The following LRP6 variants were observed in gnomAD, a reference collection of about 807,000 sequenced individuals.
LRP6 encodes LDL receptor related protein 6.
In LRP6, 43 loss-of-function variants were observed where a neutral mutation model predicts 184.1. That is an observed-to-expected ratio of 0.23 (90% CI 0.18 to 0.30). The LOEUF (loss-of-function observed/expected upper bound fraction) is 0.30. Among genes scored for constraint, LRP6 ranks in the 10% least tolerant of loss-of-function variants. The pLI is 1.00. For missense variants in LRP6, 1,571 were observed against 2,005.3 expected (o/e 0.78, Z 4.14); for synonymous variants, 719 against 684.9 (o/e 1.05, Z -0.78).
At chr12:12,253,827 C>A (rs1263556672) in intron 1 of LRP6, among the ~76,000 whole-genome samples, 2 of 152,040 alleles carry the variant, frequency 1.3e-5, no homozygotes, top group African/African-American at 4.8e-5. Flanking sequence ...AGCTACAGGC[C>A]AGAGTGCACT....
At chr12:12,162,923 T>C (rs2300230) in intron 9 of LRP6, among the ~76,000 whole-genome samples, 7,865 of 152,182 alleles carry the variant, frequency 0.052, 284 homozygotes, top group Middle Eastern at 0.17. Context: ...CCTAAGTACG[T>C]TTTGTCCGTA....
At position 12,121,075 on chromosome 12, in the gene LRP6, T is replaced by G. The variant is rs1313858426; in HGVS notation, c.*51A>C. On this transcript the variant is annotated 3_prime_UTR_variant, in exon 23 of 23. Coordinates refer to ENST00000261349, the MANE Select transcript of LRP6 (RefSeq NM_002336.3). ...TCCCCCCCTCCAGATCTCAACCAAATTTATATTTACATTTTTACGTTGGAG... is the reference window on the plus strand; with the variant it reads ...TCCCCCCCTCCAGATCTCAACCAAAGTTATATTTACATTTTTACGTTGGAG... The G allele has an allele frequency of 1.3e-6, 2 of 1,503,074 alleles. No homozygotes were observed. The highest frequency in any genetic ancestry group is 1.4e-5 in the African/African-American group (1 of 71,910). 93.1% of individuals were successfully genotyped at this position (1,503,074 alleles called of 1,614,324 possible). A position where few individuals can be genotyped will look rare whatever the true frequency, so the allele number is the denominator to read the frequency against.
rs1031491567 is a variant in LRP6, at chr12:12,244,583, G to A, written c.128C>T (p.Ala43Val). The change falls in exon 2 of 23, where the codon GCT (alanine) becomes GTT (valine). Residue 43 changes from alanine (A) to valine (V), a missense_variant. Physicochemically the swap from Ala to Val is moderately conservative, Grantham distance 64 (BLOSUM62 0). Transcript: ENST00000261349. ...LVDATNGKENATIVVGGLEDA... is the reference protein window; with the variant it reads ...LVDATNGKENVTIVVGGLEDA... ...CTCCAAGCCTCCAACTACAATCGTA[G>A]CATTCTCTTTGCCATTTGTAGCATC... is the stretch of plus-strand genomic sequence containing the variant. The A allele has an allele frequency of 1.2e-6, 2 of 1,614,012 alleles. No homozygotes were observed. The highest frequency in any genetic ancestry group is 1.3e-5 in the African/African-American group (1 of 74,904).
chr12:12,194,238 T>C (rs192227899), intron 3 of LRP6, among the ~76,000 whole-genome samples: 79 of 152,162 alleles, frequency 5.2e-4, no homozygotes, highest in African/African-American at 1.8e-3. Context: ...GGTAATATCA[T>C]GCTCAAGACT....
chr12:12,120,107 A>G lies in LRP6; in HGVS notation c.*1019T>C, dbSNP rs1949585594. Reference sequence around the variant, plus strand: ...AGGATATGAGATTTACAACAAAAACATAATGGTTAAATTTTTAATTCTTAA... The same window carrying G: ...AGGATATGAGATTTACAACAAAAACGTAATGGTTAAATTTTTAATTCTTAA... On this transcript the variant is annotated 3_prime_UTR_variant, in exon 23 of 23. Transcript: ENST00000261349. 2 of 147,276 alleles carry G rather than the reference A, an allele frequency of 1.4e-5. No individual in the cohort carries two copies. Among genetic ancestry groups the G allele is most frequent in the South Asian group, 2.2e-4 (1 of 4,634 alleles). 9.1% of individuals were successfully genotyped at this position (147,276 alleles called of 1,614,324 possible).
At chr12:12,124,484 T>A (rs917204340) in intron 22 of LRP6, 81 bp downstream of exon 22, 69 of 939,654 alleles carry the variant, frequency 7.3e-5, no homozygotes, top group Middle Eastern at 4.2e-4. Flanking sequence ...CATCGTCTAC[T>A]CATTTGGGGC....
intron 3 of LRP6, among the ~76,000 whole-genome samples, chr12:12,202,533 ACT>A (rs1327472889): frequency 2.6e-5 from 4 of 152,148 alleles, no homozygotes; most frequent in Non-Finnish European, 5.9e-5. Flanking sequence ...ACAAGGTGAG[ACT>A]CTGTCTAAAA....
At chr12:12,220,651 T>A (rs948835458) in intron 2 of LRP6, among the ~76,000 whole-genome samples, 1 of 151,386 alleles carries the variant, frequency 6.6e-6, no homozygotes, top group African/African-American at 2.4e-5. Flanking sequence ...CAGGTTGGAA[T>A]GCGGTGGTAC....
intron 17 of LRP6, 66 bp downstream of exon 17, chr12:12,135,109 G>C (rs1949814723): frequency 6.2e-7 from 1 of 1,609,750 alleles, no homozygotes; most frequent in Admixed American, 1.7e-5. Context: ...AGTCATAGAA[G>C]TCTAGGCTTA....
chr12:12,197,339 C>T (rs576119142), intron 3 of LRP6, among the ~76,000 whole-genome samples: 1 of 152,286 alleles, frequency 6.6e-6, no homozygotes, highest in African/African-American at 2.4e-5. Context: ...GCCAGAAAGG[C>T]TTGGTTTCTT....
At chr12:12,224,148 G>T (rs1864555600) in intron 2 of LRP6, among the ~76,000 whole-genome samples, 2 of 151,998 alleles carry the variant, frequency 1.3e-5, no homozygotes, top group Admixed American at 1.3e-4. Flanking sequence ...GTCTCAATCT[G>T]CATTCCATCC....
At chr12:12,216,506 T>G (rs1174788746) in intron 2 of LRP6, among the ~76,000 whole-genome samples, 1 of 152,094 alleles carries the variant, frequency 6.6e-6, no homozygotes, top group Non-Finnish European at 1.5e-5. Context: ...TGGTAACTGA[T>G]TAAATGTGAG....
intron 12 of LRP6, among the ~76,000 whole-genome samples, chr12:12,154,543 A>G (rs887267165): frequency 6.6e-6 from 1 of 152,350 alleles, no homozygotes; most frequent in Admixed American, 6.5e-5. Flanking sequence ...ATAAACACTC[A>G]TTACAATAAT....
At chr12:12,183,907 G>T in intron 5 of LRP6, 73 bp downstream of exon 5, 1 of 1,411,090 alleles carries the variant, frequency 7.1e-7, no homozygotes, top group South Asian at 1.2e-5. Context: ...CTAGAGAGCT[G>T]ATTATAGAGA....
intron 2 of LRP6, among the ~76,000 whole-genome samples, chr12:12,222,444 GT>G: frequency 1.3e-5 from 2 of 151,790 alleles, no homozygotes; most frequent in African/African-American, 4.8e-5. Flanking sequence ...GGTGGTGCCT[GT>G]AATCCCACCT....
At chr12:12,223,353 A>G in intron 2 of LRP6, among the ~76,000 whole-genome samples, 1 of 152,184 alleles carries the variant, frequency 6.6e-6, no homozygotes, top group East Asian at 1.9e-4. Context: ...CTACACTGAA[A>G]CCTTGTTGCT....
intron 17 of LRP6, 51 bp from the exon 18 acceptor site, chr12:12,132,108 A>G (rs765184526): frequency 8.6e-7 from 1 of 1,159,448 alleles, no homozygotes; most frequent in Non-Finnish European, 1.3e-6. Flanking sequence ...TCATGGTCAC[A>G]CAGAAGTACA....
intron 18 of LRP6, 27 bp downstream of exon 18, chr12:12,131,794 G>T: frequency 1.3e-6 from 2 of 1,573,046 alleles, no homozygotes; most frequent in Non-Finnish European, 1.8e-6. Context: ...AGGATTGCAT[G>T]CTGAGGCACT....
intron 10 of LRP6, among the ~76,000 whole-genome samples, chr12:12,161,063 G>A (rs1489843980): frequency 1.1e-4 from 17 of 152,208 alleles, no homozygotes; most frequent in Admixed American, 1.1e-3. Flanking sequence ...ACAACTGTGA[G>A]AGAAATTTCA....
Sources: gnomAD v4.1 joint callset for allele counts (sites outside exome capture counted in the v4.1 genomes callset) on GRCh38, gnomAD v4.1.1 for gene constraint, MANE v1.5 for transcripts, NCBI Gene and HGNC (gene_info 2026-07-23, HGNC 2026-07-21) for gene names.